Variants in RIMS2 observed in about 807,000 individuals in gnomAD.
RIMS2 encodes the protein regulating synaptic membrane exocytosis protein 2.
RIMS2 carries 59 observed loss-of-function variants against 174.4 expected under a neutral mutation model. The observed-to-expected ratio is 0.34, with a 90% CI of 0.27 to 0.42. The LOEUF is 0.42. Among genes scored for constraint, RIMS2 ranks in the 10% least tolerant of loss-of-function variants. The pLI, the probability that RIMS2 is intolerant of heterozygous loss-of-function variation, is 1.00. For synonymous variants in RIMS2, 606 were observed against 572.5 expected, an observed-to-expected ratio of 1.06 and a Z score of -0.84; for missense variants, 1,620 against 1,666.3, an observed-to-expected ratio of 0.97 and a Z score of 0.48.
chr8:103,768,669 T>A, intron 3 of RIMS2: 1 of 804,354 alleles, frequency 1.2e-6, no homozygotes, highest in Non-Finnish European at 2.3e-6. Context: ...CTACGATGCC[T>A]CATCACCTGG....
At chr8:103,641,304 T>C (rs1022812421) in intron 1 of RIMS2, among the ~76,000 whole-genome samples, 1 of 152,180 alleles carries the variant, frequency 6.6e-6, no homozygotes, top group Non-Finnish European at 1.5e-5. Context: ...AATACATTAA[T>C]ATATTTTGTA....
At chr8:103,828,244 A>G (rs1339206306) in intron 3 of RIMS2, among the ~76,000 whole-genome samples, 1 of 152,180 alleles carries the variant, frequency 6.6e-6, no homozygotes, top group Admixed American at 6.5e-5. Flanking sequence ...TATTGGATGA[A>G]CAGTTGGTAT....
chr8:103,760,801 A>G (rs2098103425), intron 2 of RIMS2, among the ~76,000 whole-genome samples: 1 of 152,204 alleles, frequency 6.6e-6, no homozygotes, highest in South Asian at 2.1e-4. Context: ...AGCAAAATGT[A>G]TATTTGTTGA....
chr8:103,880,512 G>C (rs2099162086), intron 3 of RIMS2: 1 of 382,298 alleles, frequency 2.6e-6, no homozygotes, highest in Admixed American at 4.5e-5. Context: ...TAGTAACTTA[G>C]TTTTGAAATA....
intron 1 of RIMS2, among the ~76,000 whole-genome samples, chr8:103,655,768 A>G (rs544642893): frequency 3.9e-4 from 59 of 152,082 alleles, no homozygotes; most frequent in Non-Finnish European, 7.1e-4. Flanking sequence ...TGGGTGTAGT[A>G]TAGTAGATGA....
At chr8:103,977,853 A>G (rs1390670338) in intron 16 of RIMS2, among the ~76,000 whole-genome samples, 2 of 152,250 alleles carry the variant, frequency 1.3e-5, no homozygotes, top group African/African-American at 4.8e-5. Flanking sequence ...AAAAATGCAG[A>G]TGAAGAAATG....
chr8:103,589,370 A>C (rs368613504), intron 1 of RIMS2, among the ~76,000 whole-genome samples: 1 of 151,716 alleles, frequency 6.6e-6, no homozygotes, highest in Non-Finnish European at 1.5e-5. Context: ...AATGAAAACT[A>C]TAGTGAGATA....
intron 19 of RIMS2, among the ~76,000 whole-genome samples, chr8:104,074,663 T>A (rs1761059733): frequency 6.6e-6 from 1 of 151,962 alleles, no homozygotes; most frequent in Admixed American, 6.6e-5. Flanking sequence ...AGGAAAAAAA[T>A]TTATGAATCT....
intron 14 of RIMS2, among the ~76,000 whole-genome samples, chr8:103,953,357 G>T (rs970860585): frequency 3.3e-5 from 5 of 152,102 alleles, no homozygotes. Flanking sequence ...GAGAGAAAGG[G>T]CGAGTTACCC....
intron 19 of RIMS2, among the ~76,000 whole-genome samples, chr8:104,080,149 A>G (rs913199118): frequency 6.6e-6 from 1 of 152,016 alleles, no homozygotes; most frequent in Non-Finnish European, 1.5e-5. Context: ...CATTCATGTA[A>G]TAAGACTTTG....
intron 15 of RIMS2, among the ~76,000 whole-genome samples, chr8:103,970,084 T>C (rs1479847264): frequency 6.6e-6 from 1 of 152,218 alleles, no homozygotes; most frequent in East Asian, 1.9e-4. Flanking sequence ...TTTTTATTGA[T>C]AGGCAGATAT....
At position 103,541,954 on chromosome 8, in the gene RIMS2, CAAGT is replaced by C. The variant is rs576688806; in HGVS notation, c.176+40896_176+40899del. Among the ~76,000 whole-genome samples, 490 of 151,998 alleles carry C rather than the reference CAAGT, an allele frequency of 3.2e-3. 4 individuals are homozygous for C. Among genetic ancestry groups the C allele is most frequent in the Non-Finnish European group, 3.5e-3 (240 of 67,936 alleles). ...ACCTATAGTAGATATATAAGGCTAA[CAAGT>C]AAGGAATCAAAGCACACCACTACAG... On this transcript the variant is annotated intron_variant, in intron 1 of 23. Coordinates refer to ENST00000504942, the Ensembl canonical transcript of RIMS2.
At chr8:103,680,690 G>A (rs1345865159) in intron 1 of RIMS2, among the ~76,000 whole-genome samples, 1 of 151,958 alleles carries the variant, frequency 6.6e-6, no homozygotes, top group Non-Finnish European at 1.5e-5. Context: ...ATCCAATCCA[G>A]TAAAGGATAT....
intron 19 of RIMS2, among the ~76,000 whole-genome samples, chr8:104,116,307 A>G (rs1439732541): frequency 6.6e-6 from 1 of 152,182 alleles, no homozygotes; most frequent in African/African-American, 2.4e-5. Context: ...CTATTAATCC[A>G]TGGTATTTCA....
At chr8:104,130,616 C>G (rs1020298012) in intron 19 of RIMS2, among the ~76,000 whole-genome samples, 7 of 152,146 alleles carry the variant, frequency 4.6e-5, no homozygotes, top group Admixed American at 6.5e-5. Flanking sequence ...AATTTGCCAA[C>G]AGGTGCTTAG....
intron 1 of RIMS2, chr8:103,568,520 T>C (rs369671924): frequency 4.4e-4 from 153 of 345,840 alleles, no homozygotes; most frequent in African/African-American, 3.1e-3. Flanking sequence ...ACAATCCTTT[T>C]CTCAGCCACA....
chr8:103,510,491 T>C (rs1014680115), intron 1 of RIMS2, among the ~76,000 whole-genome samples: 1 of 152,192 alleles, frequency 6.6e-6, no homozygotes, highest in Non-Finnish European at 1.5e-5. Context: ...AGGAGGATTG[T>C]TTCCTTGCTC....
At chr8:103,883,992 G>A (rs929337018) in intron 3 of RIMS2, among the ~76,000 whole-genome samples, 8 of 151,734 alleles carry the variant, frequency 5.3e-5, no homozygotes, top group Admixed American at 3.3e-4. Flanking sequence ...TATTCCTGTC[G>A]CCCATTCAAC....
intron 19 of RIMS2, among the ~76,000 whole-genome samples, chr8:104,175,896 T>C (rs1401906229): frequency 6.6e-6 from 1 of 152,166 alleles, no homozygotes; most frequent in African/African-American, 2.4e-5. Context: ...CATTTTTTCT[T>C]TTCCTCAAAG....
Sources: allele counts gnomAD v4.1 joint callset (sites outside exome capture counted in the v4.1 genomes callset), GRCh38; gene constraint gnomAD v4.1.1; transcripts MANE v1.5; gene names NCBI Gene and HGNC (gene_info 2026-07-23, HGNC 2026-07-21).